PRKCH: variants seen among roughly 807,000 people sequenced by gnomAD.
The protein encoded by PRKCH is protein kinase C eta.
A neutral mutation model predicts 82.5 loss-of-function variants in PRKCH; 28 were observed. The ratio of observed to expected loss-of-function variants is 0.34; its 90% CI spans 0.25 to 0.47. The LOEUF is 0.47. PRKCH is among the 20% of genes least tolerant of loss of function. The pLI, the probability that PRKCH is intolerant of heterozygous loss-of-function variation, is 1.00. For synonymous variants in PRKCH, 322 were observed against 327.4 expected (o/e 0.98, Z 0.18); for missense variants, 705 against 881.8 (o/e 0.80, Z 2.54).
chr14:61,506,307 C>T (rs1005047843), intron 10 of PRKCH, among the ~76,000 whole-genome samples: 5 of 152,084 alleles, frequency 3.3e-5, no homozygotes, highest in Non-Finnish European at 5.9e-5. Context: ...CTCCATATTG[C>T]GGCGGTACTT....
Position 61,321,769 on chromosome 14 carries a change from A to G in PRKCH, c.-333A>G, listed in dbSNP as rs1346559889. ...ACCGGACGGGTAGGTCCGGCTCTCCAGGGAGAGGAGCTGCCCGGCCCTGGA... is the reference window on the plus strand; with the variant it reads ...ACCGGACGGGTAGGTCCGGCTCTCCGGGGAGAGGAGCTGCCCGGCCCTGGA... On this transcript the variant is annotated 5_prime_UTR_variant, in exon 1 of 14. Transcript: ENST00000332981. The surrounding 1 kb of genome is among the most constrained non-coding windows in gnomAD (Gnocchi z 4.1). 5 of 211,604 alleles carry G rather than the reference A, an allele frequency of 2.4e-5. No individual in the cohort carries two copies. Among genetic ancestry groups the G allele is most frequent in the South Asian group, 9.0e-5 (1 of 11,120 alleles). 13.1% of individuals were successfully genotyped at this position (211,604 alleles called of 1,614,324 possible). A position where few individuals can be genotyped will look rare whatever the true frequency, so the allele number is the denominator to read the frequency against.
At chr14:61,409,361 A>C (rs939000545) in intron 2 of PRKCH, among the ~76,000 whole-genome samples, 1 of 152,168 alleles carries the variant, frequency 6.6e-6, no homozygotes, top group African/African-American at 2.4e-5. Context: ...CGATTCTTTC[A>C]GTACAGATAC....
At chr14:61,510,797 G>A (rs1008073687) in intron 10 of PRKCH, among the ~76,000 whole-genome samples, 3 of 152,094 alleles carry the variant, frequency 2.0e-5, no homozygotes, top group East Asian at 1.9e-4. Flanking sequence ...GAGTGCCACC[G>A]TATCCTAGTC....
intron 1 of PRKCH, among the ~76,000 whole-genome samples, chr14:61,201,274 G>T (rs1374398100): frequency 6.6e-6 from 1 of 152,068 alleles, no homozygotes; most frequent in Non-Finnish European, 1.5e-5. Context: ...TTATTTGAGG[G>T]TAGGTATTAT....
At chr14:61,456,556 A>T (rs1030894802) in intron 7 of PRKCH, among the ~76,000 whole-genome samples, 6 of 152,244 alleles carry the variant, frequency 3.9e-5, no homozygotes, top group Non-Finnish European at 8.8e-5. Context: ...TTATGTTTTT[A>T]AAAATTAACC....
intron 10 of PRKCH, among the ~76,000 whole-genome samples, chr14:61,522,800 C>G (rs58012087): frequency 0.35 from 53,034 of 152,142 alleles, 11,074 homozygotes; most frequent in African/African-American, 0.59. Flanking sequence ...TGTATCCCAA[C>G]ATCCTGGCAT....
Position 61,473,794 on chromosome 14 carries a change from A to G in PRKCH, c.1279-11708A>G, listed in dbSNP as rs569375059. On this transcript the variant is annotated intron_variant, in intron 9 of 13. Transcript: ENST00000332981. ...GATCACCTGAGGTCAGGAGTTCGAG[A>G]CCAGCCTGGCCAACATGGCAAAACC... Among the ~76,000 whole-genome samples, 52 of 152,288 alleles carry G rather than the reference A, an allele frequency of 3.4e-4. 1 individual carries two copies. The highest frequency in any genetic ancestry group is 1.2e-3 in the African/African-American group (51 of 41,546).
chr14:61,495,286 A>G lies in PRKCH; in HGVS notation c.1433+9630A>G, dbSNP rs1886620110. On this transcript the variant is annotated intron_variant, in intron 10 of 13. Transcript: ENST00000332981. ...ATTAAACCAGAATGCTGATCCTGGCATACCTCCTCAGGGTTTGGCCTTTTC... is the reference window on the plus strand; with the variant it reads ...ATTAAACCAGAATGCTGATCCTGGCGTACCTCCTCAGGGTTTGGCCTTTTC... Among the ~76,000 whole-genome samples, 3 of 152,344 alleles carry G rather than the reference A, an allele frequency of 2.0e-5. No individual in the cohort carries two copies. In the South Asian group the frequency reaches 6.2e-4, roughly 32 times the overall value.
intron 2 of PRKCH, among the ~76,000 whole-genome samples, chr14:61,440,038 T>C (rs1023135706): frequency 6.6e-6 from 1 of 152,252 alleles, no homozygotes; most frequent in African/African-American, 2.4e-5. Flanking sequence ...AATTTGCATC[T>C]ATACATGATA....
chr14:61,463,960 A>G (rs11158347), intron 9 of PRKCH, among the ~76,000 whole-genome samples: 82,316 of 152,130 alleles, frequency 0.54, 26,992 homozygotes, highest in Non-Finnish European at 0.73. Flanking sequence ...TTCTTTGTCC[A>G]TTCATCCACT....
In PRKCH at chr14:61,280,995, C is replaced by T; in HGVS notation, c.-19+93327C>T. The T allele has an allele frequency of 6.5e-7, 1 of 1,540,478 alleles. No homozygotes were observed. On this transcript the variant is annotated intron_variant, in intron 1 of 3. Transcript: ENST00000555185. The surrounding 1 kb of genome is among the most constrained non-coding windows in gnomAD (Gnocchi z 5.0). Reference sequence around the variant, plus strand: ...TGCCGTTGGAGGAGTAGTAGAGGCCCAGGCCCAGGCCGATGAAGGCCAGGC... The same window carrying T: ...TGCCGTTGGAGGAGTAGTAGAGGCCTAGGCCCAGGCCGATGAAGGCCAGGC...
upstream of PRKCH, among the ~76,000 whole-genome samples, chr14:61,317,184 C>T (rs1011942383): frequency 1.3e-5 from 2 of 152,182 alleles, no homozygotes; most frequent in African/African-American, 2.4e-5. Flanking sequence ...AGTCTCAGAA[C>T]GCTATGATCT....
At chr14:61,255,747 C>G (rs1304558320) in intron 1 of PRKCH, among the ~76,000 whole-genome samples, 1 of 152,046 alleles carries the variant, frequency 6.6e-6, no homozygotes, top group African/African-American at 2.4e-5. Context: ...TTAAAAGGGA[C>G]AGTGCTACAG....
chr14:61,302,008 T>C (rs1272596242), intron 1 of PRKCH, among the ~76,000 whole-genome samples: 1 of 152,234 alleles, frequency 6.6e-6, no homozygotes, highest in Non-Finnish European at 1.5e-5. Context: ...TGACCTAGTT[T>C]CTATCACTAC....
chr14:61,455,443 T>G (rs1485600559), intron 7 of PRKCH, among the ~76,000 whole-genome samples: 1 of 152,218 alleles, frequency 6.6e-6, no homozygotes, highest in African/African-American at 2.4e-5. Flanking sequence ...ATGAATGGGT[T>G]TCATCAAATC....
intron 1 of PRKCH, among the ~76,000 whole-genome samples, chr14:61,378,010 T>A (rs1014505048): frequency 6.6e-6 from 1 of 152,208 alleles, no homozygotes; most frequent in Admixed American, 6.5e-5. Context: ...CTCTTACTCC[T>A]GTATGGACAT....
At chr14:61,525,644 G>A (rs1368889199) in intron 10 of PRKCH, 1 of 152,218 alleles carries the variant, frequency 6.6e-6, no homozygotes, top group Non-Finnish European at 1.5e-5. Flanking sequence ...CCTCTTACCT[G>A]GGACATTAGT....
At chr14:61,244,546 A>G (rs1321159196) in intron 1 of PRKCH, among the ~76,000 whole-genome samples, 1 of 152,206 alleles carries the variant, frequency 6.6e-6, no homozygotes, top group Non-Finnish European at 1.5e-5. Context: ...GGTTTCCAGC[A>G]AATGCCCCTC....
intron 10 of PRKCH, among the ~76,000 whole-genome samples, chr14:61,526,897 G>A (rs192480623): frequency 1.2e-4 from 19 of 152,336 alleles, no homozygotes; most frequent in South Asian, 4.1e-4. Flanking sequence ...CCTTGTCACT[G>A]ATCAGCCTAT....
Sources: allele counts gnomAD v4.1 joint callset (sites outside exome capture counted in the v4.1 genomes callset), GRCh38; gene constraint gnomAD v4.1.1; non-coding constraint Gnocchi (gnomAD v3.1); transcripts MANE v1.5; gene names NCBI Gene and HGNC (gene_info 2026-07-23, HGNC 2026-07-21).